Variants in LMX1A observed in about 807,000 individuals in gnomAD.
LMX1A encodes the protein LIM homeobox transcription factor 1 alpha.
Under a neutral mutation model 49.1 loss-of-function variants are expected in LMX1A, and 15 were observed. That is an observed-to-expected ratio of 0.31 (90% confidence interval 0.20 to 0.47). The LOEUF (loss-of-function observed/expected upper bound fraction) is 0.47. Among genes scored for constraint, LMX1A ranks in the 20% least tolerant of loss-of-function variants. The pLI is 1.00. For synonymous variants in LMX1A, 167 were observed against 185.7 expected, an observed-to-expected ratio of 0.90 and a Z score of 0.82; for missense variants, 372 against 475.8, an observed-to-expected ratio of 0.78 and a Z score of 2.03.
intron 4 of LMX1A, among the ~76,000 whole-genome samples, chr1:165,221,951 G>A (rs111802029): frequency 9.8e-5 from 13 of 133,040 alleles, no homozygotes; most frequent in African/African-American, 3.1e-4. Flanking sequence ...ACACGCACAC[G>A]CACACACACA....
chr1:165,226,096 C>T (rs1353629005), intron 4 of LMX1A, among the ~76,000 whole-genome samples: 5 of 152,052 alleles, frequency 3.3e-5, no homozygotes, highest in Non-Finnish European at 5.9e-5. Context: ...ACAAGTATAA[C>T]GTAACCTAAG....
chr1:165,318,689 C>T (rs367582588), intron 3 of LMX1A, among the ~76,000 whole-genome samples: 2 of 151,978 alleles, frequency 1.3e-5, no homozygotes, highest in South Asian at 4.1e-4. Flanking sequence ...GATTCTTTGG[C>T]CTTTTACCCT....
intron 7 of LMX1A, among the ~76,000 whole-genome samples, chr1:165,206,647 T>C (rs944409905): frequency 6.6e-6 from 1 of 152,056 alleles, no homozygotes. Flanking sequence ...TCTTCTCCCT[T>C]TGAATTGCAC....
rs1276756305 is a variant in LMX1A, at chr1:165,355,469, G to A, written c.76+15C>T. On this transcript the variant is annotated intron_variant, in intron 2 of 8. Coordinates refer to ENST00000342310, the MANE Select transcript of LMX1A (RefSeq NM_177398.4). This position sits in a 1 kb window ranked among gnomAD's most constrained non-coding sequence, Gnocchi z 4.7. ...GAAAGAGAGTGCGCCCAGGACGCAC[G>A]GCCTGAACACTCACCCAGCAGCGAG... 1.9e-6 allele frequency: 3 copies of A among 1,612,604 alleles called. No individual in the cohort carries two copies. The Admixed American group carries it at 5.0e-5, about 27-fold the overall frequency.
intron 3 of LMX1A, among the ~76,000 whole-genome samples, chr1:165,317,950 C>G (rs894761504): frequency 6.6e-6 from 1 of 152,214 alleles, no homozygotes; most frequent in African/African-American, 2.4e-5. Context: ...CTTCAGAGCA[C>G]GGCACTTCTC....
intron 3 of LMX1A, among the ~76,000 whole-genome samples, chr1:165,306,779 T>G (rs1654930735): frequency 6.6e-6 from 1 of 152,204 alleles, no homozygotes; most frequent in Non-Finnish European, 1.5e-5. Context: ...GCCTGGTACC[T>G]CCCAGAGATG....
chr1:165,252,517 C>T (rs1466956278), intron 3 of LMX1A, among the ~76,000 whole-genome samples: 3 of 152,216 alleles, frequency 2.0e-5, no homozygotes, highest in African/African-American at 7.2e-5. Context: ...GATTCATTCA[C>T]TATAGCATTC....
chr1:165,285,140 C>A (rs1381571270), intron 3 of LMX1A, among the ~76,000 whole-genome samples: 1 of 152,178 alleles, frequency 6.6e-6, no homozygotes, highest in African/African-American at 2.4e-5. Context: ...ATAAGGATCT[C>A]CCAGCCTGGA....
chr1:165,348,161 C>T (rs757007210), intron 3 of LMX1A, among the ~76,000 whole-genome samples: 21 of 151,970 alleles, frequency 1.4e-4, no homozygotes, highest in Non-Finnish European at 2.5e-4. Context: ...ATATGTAAAA[C>T]GAGACTGAAT....
chr1:165,253,393 T>C (rs573660193), intron 3 of LMX1A, among the ~76,000 whole-genome samples: 20 of 152,348 alleles, frequency 1.3e-4, no homozygotes, highest in Admixed American at 4.6e-4. Context: ...TGTGTGTTTA[T>C]CTTGGAAGCT....
chr1:165,245,889 A>T (rs898518594), intron 4 of LMX1A, among the ~76,000 whole-genome samples: 20 of 151,914 alleles, frequency 1.3e-4, no homozygotes, highest in Non-Finnish European at 4.4e-5. Context: ...CTGCCACACC[A>T]GCCTTCCCTG....
chr1:165,210,084 TAG>T (rs1451032472), intron 6 of LMX1A, among the ~76,000 whole-genome samples: 1 of 152,232 alleles, frequency 6.6e-6, no homozygotes, highest in African/African-American at 2.4e-5. Context: ...AGAGGAAACA[TAG>T]AGTTTGTTTT....
chr1:165,256,030 G>A (rs1653223861), intron 3 of LMX1A, among the ~76,000 whole-genome samples: 1 of 152,056 alleles, frequency 6.6e-6, no homozygotes, highest in African/African-American at 2.4e-5. Flanking sequence ...TCCGCAGCAT[G>A]AGCGTGGGCA....
intron 3 of LMX1A, among the ~76,000 whole-genome samples, chr1:165,271,212 G>C (rs1391605634): frequency 1.3e-5 from 2 of 152,132 alleles, no homozygotes; most frequent in East Asian, 3.9e-4. Context: ...TGAGTAAGAA[G>C]TAAACAATGA....
chr1:165,300,033 T>A (rs977582231), intron 3 of LMX1A, among the ~76,000 whole-genome samples: 2 of 152,134 alleles, frequency 1.3e-5, no homozygotes, highest in Non-Finnish European at 2.9e-5. Context: ...AGCCATTGGA[T>A]CAGGAGACTC....
Position 165,203,683 on chromosome 1 carries a change from C to CTCTT in LMX1A, c.*196_*197insAAGA, listed in dbSNP as rs1386754829. 2 of 475,998 alleles carry CTCTT rather than the reference C, an allele frequency of 4.2e-6. No individual in the cohort carries two copies. The highest frequency in any genetic ancestry group is 7.6e-6 in the Non-Finnish European group (2 of 264,220). The allele number at this position is 475,998 out of a possible 1,614,324, so 29.5% of individuals were successfully genotyped here. On this transcript the variant is annotated 3_prime_UTR_variant, in exon 9 of 9. Coordinates refer to ENST00000342310, the MANE Select transcript of LMX1A (RefSeq NM_177398.4). The stretch of plus-strand genomic sequence containing the variant: ...CTAATGCTAAGACTCTTATTAGAAA[C>CTCTT]ATTAAACTATGCAATCCATAATGTA...
intron 3 of LMX1A, among the ~76,000 whole-genome samples, chr1:165,258,650 C>T (rs1653328872): frequency 6.6e-6 from 1 of 152,156 alleles, no homozygotes; most frequent in Admixed American, 6.5e-5. Context: ...GTCCCAGAGG[C>T]TCCGCAAGGC....
chr1:165,299,815 C>T (rs1201725499), intron 3 of LMX1A, among the ~76,000 whole-genome samples: 2 of 148,294 alleles, frequency 1.3e-5, no homozygotes, highest in South Asian at 2.2e-4. Context: ...AGTAACTATA[C>T]TGTACTATTA....
intron 3 of LMX1A, among the ~76,000 whole-genome samples, chr1:165,265,499 A>G (rs1381472781): frequency 6.6e-6 from 1 of 152,158 alleles, no homozygotes; most frequent in Non-Finnish European, 1.5e-5. Context: ...AGGCTTGTAG[A>G]TACTGCCCCA....
Sources: gnomAD v4.1 joint callset for allele counts (sites outside exome capture counted in the v4.1 genomes callset) on GRCh38, gnomAD v4.1.1 for gene constraint, Gnocchi (gnomAD v3.1) non-coding constraint, MANE v1.5 for transcripts, NCBI Gene and HGNC (gene_info 2026-07-23, HGNC 2026-07-21) for gene names.